NPAS3: variants seen among roughly 807,000 people sequenced by gnomAD.
NPAS3 encodes the protein neuronal PAS domain protein 3, also known as neuronal PAS domain-containing protein 3.
NPAS3 carries 14 observed loss-of-function variants against 73.1 expected under a neutral mutation model. The ratio of observed to expected loss-of-function variants is 0.19; its 90% confidence interval spans 0.13 to 0.30. The LOEUF is 0.30. NPAS3 is among the 10% of genes least tolerant of loss of function. The pLI, the probability that NPAS3 is intolerant of heterozygous loss-of-function variation, is 1.00. For synonymous variants in NPAS3, 620 were observed against 541.5 expected (o/e 1.14, Z -2.01); for missense variants, 1,096 against 1,250.0 (o/e 0.88, Z 1.86).
At chr14:33,545,096 T>C (rs2054778894) in intron 4 of NPAS3, among the ~76,000 whole-genome samples, 1 of 151,874 alleles carries the variant, frequency 6.6e-6, no homozygotes, top group Non-Finnish European at 1.5e-5. Context: ...AAAGTCTTTC[T>C]CTCCCTTAAA....
intron 3 of NPAS3, among the ~76,000 whole-genome samples, chr14:33,276,437 C>T (rs2041337972): frequency 6.6e-6 from 1 of 152,084 alleles, no homozygotes; most frequent in South Asian, 2.1e-4. Context: ...TTCTAGTCCT[C>T]CCATCTCCCT....
At chr14:33,059,099 A>G (rs1283081026) in intron 2 of NPAS3, among the ~76,000 whole-genome samples, 6 of 152,198 alleles carry the variant, frequency 3.9e-5, no homozygotes, top group Admixed American at 3.9e-4. Context: ...TACTTGCACC[A>G]TGGAAATTGG....
At chr14:33,545,872 C>G (rs2054820227) in intron 4 of NPAS3, among the ~76,000 whole-genome samples, 1 of 152,212 alleles carries the variant, frequency 6.6e-6, no homozygotes, top group African/African-American at 2.4e-5. Flanking sequence ...GGCAGTGTAT[C>G]TCCCTTGCTG....
At chr14:33,574,269 C>A (rs1412667505) in intron 5 of NPAS3, among the ~76,000 whole-genome samples, 1 of 152,036 alleles carries the variant, frequency 6.6e-6, no homozygotes, top group Non-Finnish European at 1.5e-5. Flanking sequence ...TACGATACAG[C>A]ACAAATGATC....
chr14:33,767,766 A>G (rs1467026894), intron 7 of NPAS3, among the ~76,000 whole-genome samples: 2 of 152,330 alleles, frequency 1.3e-5, no homozygotes. Context: ...TCCTAAAAGA[A>G]AGGAGAATAG....
At chr14:33,346,519 C>A (rs1479221934) in intron 3 of NPAS3, among the ~76,000 whole-genome samples, 5 of 134,142 alleles carry the variant, frequency 3.7e-5, no homozygotes, top group African/African-American at 1.5e-4. Flanking sequence ...CACAGTGAGA[C>A]CCTGTCTCAA....
intron 6 of NPAS3, among the ~76,000 whole-genome samples, chr14:33,691,393 A>C (rs1595448759): frequency 1.3e-5 from 2 of 152,238 alleles, no homozygotes; most frequent in African/African-American, 4.8e-5. Context: ...AATGCCGTAA[A>C]TACATTAAAA....
intron 4 of NPAS3, among the ~76,000 whole-genome samples, chr14:33,507,855 T>C (rs1042675845): frequency 4.3e-4 from 65 of 152,170 alleles, no homozygotes; most frequent in African/African-American, 1.5e-3. Flanking sequence ...TACACACACA[T>C]AAGCACTTTC....
intron 4 of NPAS3, among the ~76,000 whole-genome samples, chr14:33,545,825 A>G (rs2054817932): frequency 6.6e-6 from 1 of 152,212 alleles, no homozygotes; most frequent in South Asian, 2.1e-4. Flanking sequence ...AGGTCACTGT[A>G]TAGTGCCAGA....
At chr14:33,064,203 ATAT>A (rs2041204022) in intron 2 of NPAS3, among the ~76,000 whole-genome samples, 1 of 152,202 alleles carries the variant, frequency 6.6e-6, no homozygotes, top group South Asian at 2.1e-4. Context: ...TGAAAAATAC[ATAT>A]TATCAAAAAA....
chr14:33,447,179 G>A (rs1224884003), intron 4 of NPAS3, among the ~76,000 whole-genome samples: 2 of 152,258 alleles, frequency 1.3e-5, no homozygotes, highest in African/African-American at 2.4e-5. Flanking sequence ...TTAGCTTGGT[G>A]GTAGAAGTTC....
intron 4 of NPAS3, among the ~76,000 whole-genome samples, chr14:33,388,445 C>T (rs1402804100): frequency 2.1e-5 from 3 of 142,708 alleles, no homozygotes; most frequent in Non-Finnish European, 3.0e-5. Context: ...AATAGGCACT[C>T]GTGAAAAAAA....
intron 6 of NPAS3, among the ~76,000 whole-genome samples, chr14:33,731,432 A>G (rs2061397817): frequency 1.3e-5 from 2 of 150,898 alleles, no homozygotes; most frequent in African/African-American, 4.9e-5. Context: ...TGAAAAAAAA[A>G]AAAAAAAAGA....
At chr14:33,524,221 C>T (rs73267062) in intron 4 of NPAS3, among the ~76,000 whole-genome samples, 2,350 of 152,224 alleles carry the variant, frequency 0.015, 66 homozygotes, top group African/African-American at 0.054. Flanking sequence ...GCATCCTGTT[C>T]CTTTCCTTCA....
At chr14:33,269,546 AATT>A (rs2040975134) in intron 3 of NPAS3, among the ~76,000 whole-genome samples, 1 of 152,290 alleles carries the variant, frequency 6.6e-6, no homozygotes, top group East Asian at 1.9e-4. Flanking sequence ...AGGGGTTAAT[AATT>A]ATTGACCTAT....
At chr14:33,001,188 G>C (rs1302547644) in intron 1 of NPAS3, among the ~76,000 whole-genome samples, 1 of 152,180 alleles carries the variant, frequency 6.6e-6, no homozygotes, top group Non-Finnish European at 1.5e-5. Context: ...GAGTCTTCCT[G>C]TAGGTTCTAA....
intron 3 of NPAS3, among the ~76,000 whole-genome samples, chr14:33,223,409 AAGTC>A (rs2047506218): frequency 6.6e-6 from 1 of 152,198 alleles, no homozygotes; most frequent in Non-Finnish European, 1.5e-5. Flanking sequence ...TTCTCTTAGT[AAGTC>A]AGTCCTCTAA....
At chr14:33,095,656 GC>G (rs1566556095) in intron 2 of NPAS3, among the ~76,000 whole-genome samples, 5 of 112,090 alleles carry the variant, frequency 4.5e-5, no homozygotes, top group South Asian at 2.6e-4. Flanking sequence ...GGCATTCTCT[GC>G]TTTTATTTTT....
chr14:33,616,672 C>A (rs1388853700), intron 5 of NPAS3, among the ~76,000 whole-genome samples: 1 of 152,170 alleles, frequency 6.6e-6, no homozygotes, highest in African/African-American at 2.4e-5. Flanking sequence ...GAGGTTAGAG[C>A]AACTCTTTAA....
Sources: gnomAD v4.1 joint callset for allele counts (sites outside exome capture counted in the v4.1 genomes callset) on GRCh38, gnomAD v4.1.1 for gene constraint, MANE v1.5 for transcripts, NCBI Gene and HGNC (gene_info 2026-07-23, HGNC 2026-07-21) for gene names.